KCNH1: variants seen among roughly 807,000 people sequenced by gnomAD.
KCNH1 encodes the protein voltage-gated delayed rectifier potassium channel KCNH1.
A neutral mutation model predicts 69.2 loss-of-function variants in KCNH1; 27 were observed. The ratio of observed to expected loss-of-function variants is 0.39; its 90% CI spans 0.29 to 0.54. The LOEUF (loss-of-function observed/expected upper bound fraction) is 0.54, where lower values mean the gene tolerates loss of function less well. KCNH1 is among the 20% of genes least tolerant of loss of function. The pLI is 0.68. For missense variants in KCNH1, 798 were observed against 1,261.6 expected (o/e 0.63, Z 5.57); for synonymous variants, 456 against 487.7 (o/e 0.93, Z 0.86).
chr1:210,688,907 C>G (rs1304257299), intron 10 of KCNH1, among the ~76,000 whole-genome samples: 1 of 152,210 alleles, frequency 6.6e-6, no homozygotes, highest in Non-Finnish European at 1.5e-5. Flanking sequence ...GGCATGGGTT[C>G]AAGGCACTGG....
At chr1:211,006,444 T>C (rs530244730) in intron 6 of KCNH1, among the ~76,000 whole-genome samples, 36 of 152,230 alleles carry the variant, frequency 2.4e-4, no homozygotes, top group Admixed American at 4.6e-4. Context: ...TGAGATAACA[T>C]AAAAGAATGC....
chr1:210,813,181 T>A (rs1198029783), intron 7 of KCNH1, among the ~76,000 whole-genome samples: 1 of 152,208 alleles, frequency 6.6e-6, no homozygotes, highest in Non-Finnish European at 1.5e-5. Context: ...CAGCATGTCA[T>A]GAAGACAGTA....
intron 6 of KCNH1, among the ~76,000 whole-genome samples, chr1:211,009,931 CTT>C (rs1689362537): frequency 1.3e-5 from 2 of 152,146 alleles, no homozygotes; most frequent in Non-Finnish European, 2.9e-5. Context: ...TATCACTCCT[CTT>C]TTGTCAATGA....
At chr1:210,958,612 T>C (rs1036101427) in intron 6 of KCNH1, among the ~76,000 whole-genome samples, 2 of 152,222 alleles carry the variant, frequency 1.3e-5, no homozygotes, top group Middle Eastern at 3.2e-3. Context: ...TCATTTCTTT[T>C]TACTCTTTTT....
At chr1:211,104,008 G>A (rs1413265944) in intron 2 of KCNH1, among the ~76,000 whole-genome samples, 2 of 152,214 alleles carry the variant, frequency 1.3e-5, no homozygotes, top group Admixed American at 6.5e-5. Flanking sequence ...ATGGCTGAGA[G>A]AAAGAAGGAG....
chr1:211,088,032 G>A (rs1257407597), intron 4 of KCNH1, among the ~76,000 whole-genome samples: 1 of 152,056 alleles, frequency 6.6e-6, no homozygotes, highest in Non-Finnish European at 1.5e-5. Flanking sequence ...ACACTATCAG[G>A]ATGCACCCAC....
intron 5 of KCNH1, among the ~76,000 whole-genome samples, chr1:211,032,216 A>G (rs1571593234): frequency 6.6e-6 from 1 of 152,200 alleles, no homozygotes; most frequent in Admixed American, 6.5e-5. Context: ...GATGTGAAGG[A>G]CCTCTTCAAG....
intron 7 of KCNH1, among the ~76,000 whole-genome samples, chr1:210,911,871 AC>A (rs1355853351): frequency 6.6e-6 from 1 of 152,108 alleles, no homozygotes; most frequent in East Asian, 1.9e-4. Context: ...GATATCTTCC[AC>A]CCCTCTCCTG....
chr1:211,019,706 C>T (rs929813288), intron 5 of KCNH1, among the ~76,000 whole-genome samples: 2 of 152,202 alleles, frequency 1.3e-5, no homozygotes, highest in African/African-American at 4.8e-5. Flanking sequence ...AATACACATT[C>T]TTCTCATCAG....
rs1414519438 is a variant in KCNH1 at position 211,090,519 on chromosome 1, CA to C, written c.439+42del. ...TCTGTAACAAGAGCCACAATAAAGA[CA>C]AAAAAGGCATAAATGTATTTGTACA... is the stretch of plus-strand genomic sequence containing the variant. On this transcript the variant is annotated intron_variant, in intron 4 of 10. Transcript: ENST00000271751. 1.0e-5 allele frequency: 16 copies of C among 1,547,114 alleles called. No individual in the cohort carries two copies. The East Asian group carries it at 3.0e-4, about 29-fold the overall frequency.
chr1:211,090,889 G>T (rs376254553), intron 3 of KCNH1, among the ~76,000 whole-genome samples, 199 bp from the exon 4 acceptor site: 1 of 152,170 alleles, frequency 6.6e-6, no homozygotes, highest in Middle Eastern at 3.4e-3. Flanking sequence ...TATTCAGTGA[G>T]GGGTTTCTCC....
intron 3 of KCNH1, among the ~76,000 whole-genome samples, chr1:211,097,062 A>G (rs1164581607): frequency 6.6e-6 from 1 of 152,244 alleles, no homozygotes; most frequent in Non-Finnish European, 1.5e-5. Context: ...GAACTCACAT[A>G]GCTAATAAAT....
chr1:210,922,383 C>CAAA lies in KCNH1; in HGVS notation c.1033-2317_1033-2315dup, dbSNP rs758026291. On this transcript the variant is annotated intron_variant, in intron 6 of 10. Transcript: ENST00000271751. ...TGGGCAACAGAGCGAGACTCCGTCT[C>CAAA]AAAAAAAAAAAAAAAAAAAAAAAAA... Among the ~76,000 whole-genome samples, 37 of 98,308 alleles carry CAAA rather than the reference C, an allele frequency of 3.8e-4. 2 individuals are homozygous for CAAA. Among genetic ancestry groups the CAAA allele is most frequent in the East Asian group, 2.1e-3 (4 of 1,872 alleles). The allele number at this position is 98,308 out of a possible 152,430, so 64.5% of individuals were successfully genotyped here. A position where few individuals can be genotyped will look rare whatever the true frequency, so the allele number is the denominator to read the frequency against.
At chr1:211,030,392 T>C (rs1689761046) in intron 5 of KCNH1, among the ~76,000 whole-genome samples, 1 of 152,170 alleles carries the variant, frequency 6.6e-6, no homozygotes, top group Non-Finnish European at 1.5e-5. Context: ...ATGAAGACTA[T>C]GTGGTATTGG....
chr1:211,044,765 T>C (rs767529516), intron 5 of KCNH1, among the ~76,000 whole-genome samples: 3 of 151,794 alleles, frequency 2.0e-5, no homozygotes, highest in African/African-American at 7.3e-5. Flanking sequence ...GATGTCAGCA[T>C]GGATGTGGTG....
At chr1:211,014,039 C>T (rs934330031) in intron 6 of KCNH1, among the ~76,000 whole-genome samples, 1 of 152,194 alleles carries the variant, frequency 6.6e-6, no homozygotes, top group Non-Finnish European at 1.5e-5. Flanking sequence ...GCATCACTGG[C>T]ACTAGCTGGT....
Position 211,122,465 on chromosome 1 carries a change from T to A in KCNH1, c.79+11402A>T, listed in dbSNP as rs573114756. Among the ~76,000 whole-genome samples the A allele has an allele frequency of 3.6e-4, 55 of 152,306 alleles. 1 individual carries two copies. In the South Asian group the frequency reaches 0.011, roughly 32 times the overall value. ...CAGAAATACTATTTGACCCAGCAAT[T>A]CCATTACTGGGTATATGCCCAAAGG... On this transcript the variant is annotated intron_variant, in intron 1 of 10. Coordinates refer to ENST00000271751, the MANE Select transcript of KCNH1 (RefSeq NM_172362.3).
intron 10 of KCNH1, among the ~76,000 whole-genome samples, chr1:210,753,998 C>T (rs4405188): frequency 0.82 from 124,541 of 151,414 alleles, 51,262 homozygotes; most frequent in East Asian, 0.88. Context: ...CACTGCAAGC[C>T]CCGCCTCCTG....
intron 5 of KCNH1, among the ~76,000 whole-genome samples, chr1:211,074,470 T>C (rs1440692319): frequency 6.6e-6 from 1 of 152,146 alleles, no homozygotes; most frequent in Non-Finnish European, 1.5e-5. Context: ...GGCTGGCATA[T>C]TTTCCATTGT....
Sources: gnomAD v4.1 joint callset for allele counts (sites outside exome capture counted in the v4.1 genomes callset) on GRCh38, gnomAD v4.1.1 for gene constraint, MANE v1.5 for transcripts, NCBI Gene and HGNC (gene_info 2026-07-23, HGNC 2026-07-21) for gene names.